The following SPATA9 variants were observed in gnomAD, a reference collection of about 807,000 sequenced individuals.
SPATA9 encodes spermatogenesis-associated protein 9.
Under a neutral mutation model 25.5 loss-of-function variants are expected in SPATA9, and 27 were observed. That is an observed-to-expected ratio of 1.06 (90% CI 0.78 to 1.46). The LOEUF (loss-of-function observed/expected upper bound fraction) is 1.46, where lower values mean the gene tolerates loss of function less well. Ranked by LOEUF, SPATA9 falls within the 40% of genes most tolerant of loss-of-function variation. SPATA9 has a pLI of 0.00. For missense variants in SPATA9, 282 were observed against 297.5 expected (o/e 0.95, Z 0.38); for synonymous variants, 102 against 105.7 (o/e 0.97, Z 0.21).
intron 3 of SPATA9, among the ~76,000 whole-genome samples, chr5:95,664,923 T>C (rs991359131): frequency 6.6e-5 from 10 of 152,098 alleles, no homozygotes; most frequent in African/African-American, 2.2e-4. Flanking sequence ...GTTATAACAT[T>C]GAAAAAACTA....
chr5:95,689,344 T>C (rs1379051932), intron 1 of SPATA9, among the ~76,000 whole-genome samples: 5 of 152,200 alleles, frequency 3.3e-5, no homozygotes, highest in Non-Finnish European at 7.4e-5. Flanking sequence ...GAGGGTAGTA[T>C]TGATAAATAC....
intron 4 of SPATA9, among the ~76,000 whole-genome samples, chr5:95,661,361 A>G (rs956324161): frequency 6.6e-6 from 1 of 152,054 alleles, no homozygotes; most frequent in Admixed American, 6.6e-5. Flanking sequence ...AACATCTAAC[A>G]TATATATTGC....
At chr5:95,664,960 A>G (rs1409450867) in intron 3 of SPATA9, among the ~76,000 whole-genome samples, 4 of 152,258 alleles carry the variant, frequency 2.6e-5, no homozygotes, top group Admixed American at 6.5e-5. Flanking sequence ...TTAAAGAGTT[A>G]TAACATTGAA....
chr5:95,709,358 C>T, the SPATA9 span, among the ~76,000 whole-genome samples: 1 of 152,118 alleles, frequency 6.6e-6, no homozygotes, highest in African/African-American at 2.4e-5. Flanking sequence ...TTTCAAAAGG[C>T]GATGACCCAG....
chr5:95,697,737 C>G (rs1243635497), intron 1 of SPATA9, among the ~76,000 whole-genome samples: 1 of 152,218 alleles, frequency 6.6e-6, no homozygotes, highest in African/African-American at 2.4e-5. Context: ...TGGCAATAAA[C>G]ACTGTCAATT....
chr5:95,662,711 G>A (rs1751377345), intron 4 of SPATA9, among the ~76,000 whole-genome samples: 1 of 152,170 alleles, frequency 6.6e-6, no homozygotes, highest in Admixed American at 6.5e-5. Flanking sequence ...TTTTAAGAAA[G>A]ACATCTCTCA....
At chr5:95,672,725 A>T (rs1434390312) in intron 3 of SPATA9, among the ~76,000 whole-genome samples, 1 of 152,174 alleles carries the variant, frequency 6.6e-6, no homozygotes, top group East Asian at 1.9e-4. Context: ...ATCACACTTG[A>T]TCTCTAAATT....
At chr5:95,670,959 G>A in intron 3 of SPATA9, 1 of 933,152 alleles carries the variant, frequency 1.1e-6, no homozygotes, top group African/African-American at 1.8e-5. Flanking sequence ...ATCAACCCTA[G>A]CTACTGTATA....
intron 4 of SPATA9, among the ~76,000 whole-genome samples, chr5:95,660,108 A>G (rs1350436471): frequency 6.6e-6 from 1 of 152,108 alleles, no homozygotes; most frequent in Non-Finnish European, 1.5e-5. Context: ...CAAACAATAG[A>G]AATTTATTTC....
At chr5:95,655,717 A>G (rs1160034512), downstream of SPATA9, among the ~76,000 whole-genome samples, 5 of 152,210 alleles carry the variant, frequency 3.3e-5, no homozygotes, top group East Asian at 1.9e-4. Flanking sequence ...GAAAATTCCT[A>G]TAGAAGCACT....
chr5:95,731,965 G>C, the SPATA9 span: 1 of 1,614,140 alleles, frequency 6.2e-7, no homozygotes, highest in Non-Finnish European at 8.5e-7. Flanking sequence ...TCTGGTCTCC[G>C]GGGACGAGAG....
At chr5:95,692,780 A>C (rs900220466) in intron 1 of SPATA9, among the ~76,000 whole-genome samples, 4 of 152,018 alleles carry the variant, frequency 2.6e-5, no homozygotes. Flanking sequence ...TACTTGATTG[A>C]CTTTTAGATC....
intron 1 of SPATA9, among the ~76,000 whole-genome samples, chr5:95,695,434 C>G (rs1478688350): frequency 9.9e-6 from 1 of 100,998 alleles, no homozygotes; most frequent in Non-Finnish European, 2.1e-5. Flanking sequence ...CCTATCTCTA[C>G]TACAAATACA....
chr5:95,668,285 T>A (rs1277175517), intron 3 of SPATA9, among the ~76,000 whole-genome samples: 1 of 152,246 alleles, frequency 6.6e-6, no homozygotes, highest in Non-Finnish European at 1.5e-5. Context: ...GAATAATTAA[T>A]CTTTATATTG....
intron 1 of SPATA9, among the ~76,000 whole-genome samples, chr5:95,697,233 C>T (rs780340936): frequency 6.6e-6 from 1 of 152,140 alleles, no homozygotes; most frequent in African/African-American, 2.4e-5. Context: ...GAGAGATGGT[C>T]CAATTCCAAG....
At chr5:95,703,194 A>G (rs754982275), upstream of SPATA9, among the ~76,000 whole-genome samples, 5 of 152,240 alleles carry the variant, frequency 3.3e-5, no homozygotes, top group African/African-American at 7.2e-5. Context: ...GAAATTAGGG[A>G]AAATGGCAAA....
rs775385736 is a variant in SPATA9 at position 95,688,457 on chromosome 5, G to T, written n.124+10131C>A. On this transcript the variant is annotated intron_variant and non_coding_transcript_variant, in intron 1 of 2. Transcript: ENST00000379990. Reference sequence around the variant, plus strand: ...TATAGAGATGGGGTCTGGCTATGTTGCCCAGGCTGGTGTTGAACTCCTGAC... The same window carrying T: ...TATAGAGATGGGGTCTGGCTATGTTTCCCAGGCTGGTGTTGAACTCCTGAC... Among the ~76,000 whole-genome samples, 5 of 152,056 alleles carry T rather than the reference G, an allele frequency of 3.3e-5. No homozygotes were observed. The South Asian group carries it at 8.3e-4, about 25-fold the overall frequency.
the SPATA9 span, among the ~76,000 whole-genome samples, chr5:95,727,918 G>C: frequency 6.6e-6 from 1 of 152,170 alleles, no homozygotes. Flanking sequence ...AGGCTCTGCT[G>C]TAACTAGTCA....
At chr5:95,718,053 T>C in the SPATA9 span, among the ~76,000 whole-genome samples, 8 of 152,226 alleles carry the variant, frequency 5.3e-5, no homozygotes, top group Non-Finnish European at 8.8e-5. Flanking sequence ...TTTTGTAGCA[T>C]TTAAAACCAG....
Sources: allele counts gnomAD v4.1 joint callset (sites outside exome capture counted in the v4.1 genomes callset), GRCh38; gene constraint gnomAD v4.1.1; transcripts MANE v1.5; gene names NCBI Gene and HGNC (gene_info 2026-07-23, HGNC 2026-07-21).